TRIM43B: variants seen among roughly 807,000 people sequenced by gnomAD.
TRIM43B encodes tripartite motif containing 43B.
TRIM43B carries 15 observed loss-of-function variants against 27.0 expected under a neutral mutation model. The ratio of observed to expected loss-of-function variants is 0.55; its 90% confidence interval spans 0.37 to 0.85. The LOEUF is 0.85. Among genes scored for constraint, TRIM43B ranks in the 40% least tolerant of loss-of-function variants. The pLI is 0.00. For synonymous variants in TRIM43B, 69 were observed against 97.8 expected, an observed-to-expected ratio of 0.71 and a Z score of 1.74; for missense variants, 172 against 289.8, an observed-to-expected ratio of 0.59 and a Z score of 2.95.
chr2:95,482,252 C>G (rs1683540985), intron 2 of TRIM43B, 52 bp downstream of exon 2: 1 of 1,546,256 alleles, frequency 6.5e-7, no homozygotes, highest in South Asian at 1.2e-5. Context: ...CTTCTAATCT[C>G]TTTAACTCTG....
At chr2:95,481,503 G>A (rs1683521614) in intron 3 of TRIM43B, 92 bp downstream of exon 3, 1 of 940,548 alleles carries the variant, frequency 1.1e-6, no homozygotes, top group Non-Finnish European at 1.5e-6. Flanking sequence ...ACAAAATCTG[G>A]CATATGAGAA....
At chr2:95,483,925 C>A (rs889142600) in intron 1 of TRIM43B, among the ~76,000 whole-genome samples, 2 of 151,666 alleles carry the variant, frequency 1.3e-5, no homozygotes, top group African/African-American at 4.8e-5. Flanking sequence ...AAATTAAAAC[C>A]AAGCCAGGGA....
chr2:95,482,266 C>G, intron 2 of TRIM43B, 38 bp downstream of exon 2: 3 of 1,595,908 alleles, frequency 1.9e-6, no homozygotes, highest in South Asian at 1.1e-5. Context: ...AACTCTGCCA[C>G]CCTCCAGCTT....
chr2:95,483,426 A>T (rs1291965550), intron 1 of TRIM43B, among the ~76,000 whole-genome samples: 11 of 152,010 alleles, frequency 7.2e-5, no homozygotes, highest in Non-Finnish European at 1.2e-4. Flanking sequence ...ACATCTTTAA[A>T]AGACAGACAA....
intron 3 of TRIM43B, 104 bp downstream of exon 3, chr2:95,481,491 T>C (rs1683521461): frequency 6.8e-6 from 6 of 881,002 alleles, no homozygotes; most frequent in Non-Finnish European, 8.4e-6. Context: ...AATAAACACA[T>C]GACAAAATCT....
intron 2 of TRIM43B, 34 bp from the exon 3 acceptor site, chr2:95,481,724 A>G (rs773563722): frequency 5.0e-6 from 8 of 1,598,486 alleles, no homozygotes; most frequent in Admixed American, 1.7e-5. Context: ...CAGAAAGTCA[A>G]ATACCAAAGA....
chr2:95,480,572 G>T, intron 3 of TRIM43B, 37 bp from the exon 4 acceptor site: 2 of 1,601,634 alleles, frequency 1.2e-6, no homozygotes, highest in Non-Finnish European at 1.7e-6. Context: ...ATATACCCAG[G>T]CCTACTTCCA....
At chr2:95,481,604 G>A (rs199682241) in exon 3 of TRIM43B, 3 of 1,611,710 alleles carry the variant, frequency 1.9e-6, no homozygotes, top group Non-Finnish European at 2.5e-6. Context: ...CCCTCAAGAG[G>A]AAGGCTGTTC....
chr2:95,484,068 TAAAAAAAAAA>T (rs33962775), intron 1 of TRIM43B, among the ~76,000 whole-genome samples: 5 of 108,404 alleles, frequency 4.6e-5, no homozygotes, highest in Admixed American at 3.9e-4. Context: ...TATATAAATT[TAAAAAAAAAA>T]AAAAAAAAAA....
chr2:95,481,823 C>T (rs1431327662), intron 2 of TRIM43B, 133 bp from the exon 3 acceptor site: 7 of 749,382 alleles, frequency 9.3e-6, no homozygotes, highest in African/African-American at 1.8e-5. Context: ...TTTCATTGCT[C>T]ATCCTTAATT....
At chr2:95,482,505 C>T (rs1290570839) in exon 2 of TRIM43B, 5 of 1,607,868 alleles carry the variant, frequency 3.1e-6, no homozygotes, top group Non-Finnish European at 4.3e-6. Context: ...CTAAATTCTT[C>T]AGAAGAATAT....
At chr2:95,481,456 C>A in intron 3 of TRIM43B, 139 bp downstream of exon 3, 1 of 595,402 alleles carries the variant, frequency 1.7e-6, no homozygotes, top group South Asian at 3.7e-5. Context: ...TTATGTTGAA[C>A]AGTCTGGTTG....
chr2:95,480,576 A>G, intron 3 of TRIM43B, 41 bp from the exon 4 acceptor site: 1 of 1,601,698 alleles, frequency 6.2e-7, no homozygotes, highest in East Asian at 2.3e-5. Flanking sequence ...ACCCAGGCCT[A>G]CTTCCACCTC....
chr2:95,482,973 G>A, intron 1 of TRIM43B, among the ~76,000 whole-genome samples: 1 of 152,034 alleles, frequency 6.6e-6, no homozygotes, highest in Non-Finnish European at 1.5e-5. Context: ...AAGAATGTCG[G>A]ATTTTTTGAG....
At chr2:95,484,720 G>A (rs1222947731) in exon 1 of TRIM43B, 1 of 151,742 alleles carries the variant, frequency 6.6e-6, no homozygotes, top group Non-Finnish European at 1.5e-5. Context: ...CCCAAAGCCA[G>A]TTGCAAAGCT....
intron 1 of TRIM43B, 129 bp from the exon 2 acceptor site, chr2:95,482,847 T>G (rs1414432368): frequency 6.7e-7 from 1 of 1,499,968 alleles, no homozygotes; most frequent in Non-Finnish European, 8.9e-7. Context: ...TAATTTGCAA[T>G]GACAGAAATA....
chr2:95,483,066 A>C (rs1268093821), intron 1 of TRIM43B, among the ~76,000 whole-genome samples: 1 of 152,098 alleles, frequency 6.6e-6, no homozygotes, highest in African/African-American at 2.4e-5. Context: ...ACGGTCTGAA[A>C]ATCAGTAACA....
At chr2:95,482,800 C>T (rs901653926) in intron 1 of TRIM43B, 82 bp from the exon 2 acceptor site, 56 of 1,531,264 alleles carry the variant, frequency 3.7e-5, no homozygotes, top group Non-Finnish European at 4.6e-5. Flanking sequence ...AGATCGTGAT[C>T]GAATAATATC....
intron 1 of TRIM43B, 141 bp downstream of exon 1, chr2:95,484,465 G>A (rs1388090550): frequency 8.3e-6 from 1 of 120,392 alleles, no homozygotes; most frequent in Non-Finnish European, 1.9e-5. Context: ...TTTTAAAAAA[G>A]AAATGGAGCC....
Sources: gnomAD v4.1 joint callset for allele counts (sites outside exome capture counted in the v4.1 genomes callset) on GRCh38, gnomAD v4.1.1 for gene constraint, MANE v1.5 for transcripts, NCBI Gene and HGNC (gene_info 2026-07-23, HGNC 2026-07-21) for gene names.